Variants in SEC22C observed in about 807,000 individuals in gnomAD.
The protein encoded by SEC22C is SEC22 homolog C, vesicle trafficking protein, also known as vesicle-trafficking protein SEC22c.
SEC22C carries 29 observed loss-of-function variants against 34.7 expected under a neutral mutation model. That is an observed-to-expected ratio of 0.84 (90% confidence interval 0.62 to 1.14). The LOEUF is 1.14. Ranked by LOEUF, SEC22C falls within the 50% of genes most tolerant of loss-of-function variation. The probability of loss-of-function intolerance (pLI) is 0.00; values close to 1 mark genes in which losing one functional copy is unlikely to be tolerated. For synonymous variants in SEC22C, 117 were observed against 132.8 expected, an observed-to-expected ratio of 0.88 and a Z score of 0.82; for missense variants, 337 against 369.0, an observed-to-expected ratio of 0.91 and a Z score of 0.71.
At chr3:42,596,222 A>C (rs547588815) in intron 1 of SEC22C, among the ~76,000 whole-genome samples, 1 of 152,026 alleles carries the variant, frequency 6.6e-6, no homozygotes, top group South Asian at 2.1e-4. Flanking sequence ...GGGTTTCTCC[A>C]TGTTGGTCAG....
At chr3:42,567,546 A>G (rs1197643122) in intron 2 of SEC22C, among the ~76,000 whole-genome samples, 3 of 152,236 alleles carry the variant, frequency 2.0e-5, no homozygotes, top group African/African-American at 7.2e-5. Context: ...CTACATCATT[A>G]GCCACATAAA....
At chr3:42,589,392 G>T (rs769922276) in intron 1 of SEC22C, among the ~76,000 whole-genome samples, 3 of 152,188 alleles carry the variant, frequency 2.0e-5, no homozygotes, top group African/African-American at 4.8e-5. Flanking sequence ...CCACTCAGGG[G>T]AATAAAGCTC....
intron 1 of SEC22C, among the ~76,000 whole-genome samples, chr3:42,599,871 C>G (rs948284493): frequency 6.6e-6 from 1 of 152,120 alleles, no homozygotes; most frequent in African/African-American, 2.4e-5. Flanking sequence ...TCTTCAAGAA[C>G]TTGAGGTAGG....
chr3:42,590,854 T>A, intron 1 of SEC22C: 1 of 1,603,130 alleles, frequency 6.2e-7, no homozygotes, highest in Non-Finnish European at 8.5e-7. Flanking sequence ...CCACCTATCG[T>A]GGGTCGAGTT....
At chr3:42,577,436 C>A (rs757781998) in intron 1 of SEC22C, among the ~76,000 whole-genome samples, 28 of 152,002 alleles carry the variant, frequency 1.8e-4, no homozygotes, top group Non-Finnish European at 5.9e-5. Flanking sequence ...CACAAACAAT[C>A]CAATTTTAAA....
chr3:42,591,348 G>T, intron 1 of SEC22C: 1 of 603,818 alleles, frequency 1.7e-6, no homozygotes, highest in Non-Finnish European at 2.9e-6. Flanking sequence ...ACAGGAGCGC[G>T]ACGCCACTCC....
intron 1 of SEC22C, among the ~76,000 whole-genome samples, chr3:42,573,158 A>G (rs1314671911): frequency 6.6e-6 from 1 of 152,174 alleles, no homozygotes; most frequent in Admixed American, 6.5e-5. Flanking sequence ...AGCCACTTTT[A>G]AAAAATGAAA....
chr3:42,552,561 T>C lies in SEC22C; in HGVS notation c.*687A>G. 1.0e-6 allele frequency: 1 copy of C among 979,402 alleles called. No individual in the cohort carries two copies. The highest frequency in any genetic ancestry group is 1.2e-6 in the Non-Finnish European group (1 of 824,502). 60.7% of individuals were successfully genotyped at this position (979,402 alleles called of 1,614,324 possible). On this transcript the variant is annotated 3_prime_UTR_variant, in exon 7 of 7. Coordinates refer to ENST00000264454, the MANE Select transcript of SEC22C (RefSeq NM_032970.4). The stretch of plus-strand genomic sequence containing the variant: ...CCTGCAAATAAATATAAAACATCTC[T>C]GTACCCAAACAGTCCCACCACTATA...
intron 2 of SEC22C, among the ~76,000 whole-genome samples, chr3:42,567,191 T>C (rs1049083936): frequency 2.0e-5 from 3 of 152,136 alleles, no homozygotes; most frequent in Non-Finnish European, 4.4e-5. Flanking sequence ...CGTGAGCCAC[T>C]GCACCCAGCT....
chr3:42,597,433 G>A (rs959129095), intron 1 of SEC22C, among the ~76,000 whole-genome samples: 2 of 152,118 alleles, frequency 1.3e-5, no homozygotes, highest in Non-Finnish European at 2.9e-5. Flanking sequence ...GCGTGTGCCT[G>A]TAGTCTCAGC....
chr3:42,585,733 C>G (rs554518272), upstream of SEC22C, among the ~76,000 whole-genome samples: 21 of 152,314 alleles, frequency 1.4e-4, no homozygotes, highest in East Asian at 1.2e-3. Flanking sequence ...ATCCAACCTT[C>G]TGTCTTCTCT....
rs1034007695 is a variant in SEC22C at position 42,549,593 on chromosome 3, C to G, written c.*3655G>C. 14 of 985,048 alleles carry G rather than the reference C, an allele frequency of 1.4e-5. 1 individual carries two copies. In the South Asian group the frequency reaches 5.6e-4, roughly 40 times the overall value. The allele number at this position is 985,048 out of a possible 1,614,324, so 61.0% of individuals were successfully genotyped here. On this transcript the variant is annotated 3_prime_UTR_variant, in exon 7 of 7. Coordinates refer to ENST00000264454, the MANE Select transcript of SEC22C (RefSeq NM_032970.4). Reference sequence around the variant, plus strand: ...TCCTCTCCAAGACTTGACTCCCAGGCATGGGTGGGAGAGTTGAACCTCAAT... The same window carrying G: ...TCCTCTCCAAGACTTGACTCCCAGGGATGGGTGGGAGAGTTGAACCTCAAT...
Position 42,560,669 on chromosome 3 carries a change from T to C in SEC22C, c.526+448A>G, listed in dbSNP as rs141739120. The stretch of plus-strand genomic sequence containing the variant: ...TTTTCTTTTTTGAGACAGGGTCTCA[T>C]TCTGTCACCCAGGCTAGAGTGCAGT... On this transcript the variant is annotated intron_variant, in intron 4 of 6. Coordinates refer to ENST00000264454, the MANE Select transcript of SEC22C (RefSeq NM_032970.4). Among the ~76,000 whole-genome samples the C allele has an allele frequency of 8.1e-3, 1,238 of 152,250 alleles. 20 individuals are homozygous for C. The highest frequency in any genetic ancestry group is 0.028 in the African/African-American group (1,163 of 41,556).
upstream of SEC22C, among the ~76,000 whole-genome samples, chr3:42,583,661 G>A (rs372185588): frequency 1.3e-4 from 20 of 152,248 alleles, no homozygotes; most frequent in South Asian, 1.9e-3. Context: ...AGAAGATATT[G>A]GCATTTAAGT....
intron 4 of SEC22C, among the ~76,000 whole-genome samples, chr3:42,560,096 TTCTCTC>T (rs4016302): frequency 0.016 from 2,157 of 138,662 alleles, 29 homozygotes; most frequent in South Asian, 0.045. Context: ...ATGATAAGGA[TTCTCTC>T]TCTCTCTCTC....
intron 2 of SEC22C, among the ~76,000 whole-genome samples, chr3:42,567,813 G>A (rs1332503187): frequency 6.6e-6 from 1 of 152,214 alleles, no homozygotes; most frequent in Non-Finnish European, 1.5e-5. Flanking sequence ...GCTCACGCCT[G>A]TAATCCCAGC....
chr3:42,598,607 G>A (rs1705111980), intron 1 of SEC22C, among the ~76,000 whole-genome samples: 1 of 151,998 alleles, frequency 6.6e-6, no homozygotes, highest in Non-Finnish European at 1.5e-5. Context: ...GGGATTACAG[G>A]TGTGAGCCAC....
Position 42,563,711 on chromosome 3 carries a change from A to G in SEC22C, c.183-25T>C, listed in dbSNP as rs1272280434. 8 of 1,613,064 alleles carry G rather than the reference A, an allele frequency of 5.0e-6. No homozygotes were observed. The African/African-American group carries it at 9.3e-5, about 19-fold the overall frequency. On this transcript the variant is annotated intron_variant, in intron 2 of 6. Transcript: ENST00000264454. ...ACTGAAACAAAAGGGCAATATCTGT[A>G]TTACCAGGAAACAGCCCCATGTATT... is the stretch of plus-strand genomic sequence containing the variant.
At chr3:42,565,623 GGAA>G (rs1233196009) in intron 2 of SEC22C, among the ~76,000 whole-genome samples, 5 of 152,200 alleles carry the variant, frequency 3.3e-5, no homozygotes, top group Admixed American at 3.3e-4. Context: ...AGAGACAGAA[GGAA>G]GAAGACCATG....
Sources: allele counts gnomAD v4.1 joint callset (sites outside exome capture counted in the v4.1 genomes callset), GRCh38; gene constraint gnomAD v4.1.1; transcripts MANE v1.5; gene names NCBI Gene and HGNC (gene_info 2026-07-23, HGNC 2026-07-21).